Variants in TENT4B observed in about 807,000 individuals in gnomAD.
The protein encoded by TENT4B is PAP associated domain containing 5.
A neutral mutation model predicts 75.0 loss-of-function variants in TENT4B; 10 were observed. The ratio of observed to expected loss-of-function variants is 0.13; its 90% confidence interval spans 0.08 to 0.23. The LOEUF is 0.23. TENT4B is among the 10% of genes least tolerant of loss of function. The pLI, the probability that TENT4B is intolerant of heterozygous loss-of-function variation, is 1.00. For synonymous variants in TENT4B, 350 were observed against 357.7 expected (o/e 0.98, Z 0.24); for missense variants, 579 against 893.8 (o/e 0.65, Z 4.49).
chr16:50,163,086 C>G (rs752995759), intron 1 of TENT4B, among the ~76,000 whole-genome samples: 2 of 152,154 alleles, frequency 1.3e-5, no homozygotes, highest in Non-Finnish European at 2.9e-5. Context: ...TTAGTTTTCC[C>G]TTACTGGCCC....
At position 50,229,543 on chromosome 16, in the gene TENT4B, GA is replaced by G. The variant is rs896269345; in HGVS notation, c.*223del. ...AAAAAAAAAGCAAGCAAAAAAGAGG[GA>G]AAAAAAAGGCTGCTTATTTGATAAG... On this transcript the variant is annotated 3_prime_UTR_variant, in exon 12 of 12. Coordinates refer to ENST00000561678, the MANE Select transcript of TENT4B (RefSeq NM_001365324.3). 124 of 1,253,566 alleles carry G rather than the reference GA, an allele frequency of 9.9e-5. No individual in the cohort carries two copies. The highest frequency in any genetic ancestry group is 3.0e-4 in the Middle Eastern group (1 of 3,298). The allele number at this position is 1,253,566 out of a possible 1,614,324, so 77.7% of individuals were successfully genotyped here. A position where few individuals can be genotyped will look rare whatever the true frequency, so the allele number is the denominator to read the frequency against.
chr16:50,176,740 C>T (rs1002674467), intron 1 of TENT4B, among the ~76,000 whole-genome samples: 2 of 151,914 alleles, frequency 1.3e-5, no homozygotes, highest in East Asian at 1.9e-4. Context: ...CTCCTGACCT[C>T]AAGTGATCCA....
intron 1 of TENT4B, among the ~76,000 whole-genome samples, chr16:50,185,994 A>G (rs1438114557): frequency 6.6e-6 from 1 of 152,162 alleles, no homozygotes; most frequent in Non-Finnish European, 1.5e-5. Flanking sequence ...GTTCTGCACA[A>G]AACATTTTTA....
intron 5 of TENT4B, among the ~76,000 whole-genome samples, chr16:50,218,363 GTCTC>G (rs2031669510): frequency 6.6e-6 from 1 of 151,500 alleles, no homozygotes; most frequent in African/African-American, 2.4e-5. Context: ...TCGAGGCAGA[GTCTC>G]TCTCTGTCAC....
At chr16:50,159,657 A>G (rs2037967115) in intron 1 of TENT4B, among the ~76,000 whole-genome samples, 1 of 152,138 alleles carries the variant, frequency 6.6e-6, no homozygotes, top group Non-Finnish European at 1.5e-5. Context: ...CCTTTTTCCA[A>G]GTGATTTGTG....
chr16:50,206,808 A>G (rs1042113676), intron 1 of TENT4B, among the ~76,000 whole-genome samples: 1 of 152,034 alleles, frequency 6.6e-6, no homozygotes, highest in Non-Finnish European at 1.5e-5. Context: ...CCAGCCAAAG[A>G]TCTTGAACCT....
chr16:50,162,375 ACTG>A (rs2038018217), intron 1 of TENT4B, among the ~76,000 whole-genome samples: 1 of 152,224 alleles, frequency 6.6e-6, no homozygotes, highest in African/African-American at 2.4e-5. Context: ...TTTTAGAGAA[ACTG>A]CTGAACTATT....
chr16:50,217,290 A>C (rs1434266781), intron 4 of TENT4B, among the ~76,000 whole-genome samples: 1 of 152,228 alleles, frequency 6.6e-6, no homozygotes, highest in Admixed American at 6.5e-5. Flanking sequence ...AACAATAAAA[A>C]TAAATAATAA....
chr16:50,183,250 G>A (rs1338744985), intron 1 of TENT4B, among the ~76,000 whole-genome samples: 4 of 151,818 alleles, frequency 2.6e-5, no homozygotes, highest in African/African-American at 9.7e-5. Context: ...CTCCATGTTG[G>A]TCAGGCTGGT....
At chr16:50,175,360 G>A (rs1029416598) in intron 1 of TENT4B, among the ~76,000 whole-genome samples, 3 of 152,188 alleles carry the variant, frequency 2.0e-5, no homozygotes, top group South Asian at 4.1e-4. Flanking sequence ...GAAAGTCTTC[G>A]CCAAACCACA....
intron 5 of TENT4B, among the ~76,000 whole-genome samples, chr16:50,221,701 A>T (rs1156874892): frequency 6.6e-6 from 1 of 151,814 alleles, no homozygotes; most frequent in East Asian, 1.9e-4. Flanking sequence ...TGAATATTAG[A>T]GGGTCATGGT....
In TENT4B at chr16:50,215,843, C is replaced by T. The variant is rs530448148; in HGVS notation, c.810-232C>T. Among the ~76,000 whole-genome samples, 10 of 152,132 alleles carry T rather than the reference C, an allele frequency of 6.6e-5. No homozygotes were observed. In the East Asian group the frequency reaches 1.7e-3, roughly 26 times the overall value. On this transcript the variant is annotated intron_variant, in intron 3 of 11. Transcript: ENST00000561678. ...TGAGGTTTTACTTCTTTCAAAATCA[C>T]CCTATTTCCTGAGGCCTGAATTCTG...
intron 10 of TENT4B, among the ~76,000 whole-genome samples, chr16:50,225,512 T>C (rs1157967704): frequency 1.3e-5 from 2 of 152,222 alleles, no homozygotes; most frequent in Non-Finnish European, 1.5e-5. Context: ...ACCAGTAGAT[T>C]CTGCTATTAA....
chr16:50,230,915 T>TTA lies in TENT4B; in HGVS notation c.*1598_*1599dup, dbSNP rs200357366. 0.032 allele frequency: 31,735 copies of TTA among 979,596 alleles called. 461 individuals are homozygous for TTA. Among genetic ancestry groups the TTA allele is most frequent in the Non-Finnish European group, 0.036 (29,591 of 824,384 alleles). The allele number at this position is 979,596 out of a possible 1,614,324, so 60.7% of individuals were successfully genotyped here. A position where few individuals can be genotyped will look rare whatever the true frequency, so the allele number is the denominator to read the frequency against. ...CAGCCATTTCTGAGACGAGATTCTT[T>TTA]TATATATATATACATATAAAGTACT... On this transcript the variant is annotated 3_prime_UTR_variant, in exon 12 of 12. Transcript: ENST00000561678.
intron 1 of TENT4B, among the ~76,000 whole-genome samples, chr16:50,174,119 A>G (rs886371440): frequency 3.3e-5 from 5 of 152,024 alleles, no homozygotes; most frequent in Admixed American, 3.3e-4. Flanking sequence ...TTTTTTTGAG[A>G]CAGAGTCTTG....
intron 1 of TENT4B, among the ~76,000 whole-genome samples, chr16:50,181,463 T>C (rs71384543): frequency 2.1e-5 from 3 of 143,936 alleles, no homozygotes; most frequent in African/African-American, 5.4e-5. Context: ...CCAGCTATTG[T>C]ATTTTTTTTT....
intron 1 of TENT4B, among the ~76,000 whole-genome samples, chr16:50,179,685 A>G (rs1429122511): frequency 1.3e-5 from 2 of 152,208 alleles, no homozygotes; most frequent in East Asian, 1.9e-4. Flanking sequence ...ATTTACTCCA[A>G]TCCTTTTTTA....
intron 4 of TENT4B, among the ~76,000 whole-genome samples, chr16:50,216,405 G>A (rs974442058): frequency 2.0e-5 from 3 of 152,102 alleles, no homozygotes; most frequent in Non-Finnish European, 4.4e-5. Context: ...GTGCCTCCTC[G>A]GCTCAAGTGA....
chr16:50,218,716 T>C (rs994792859), intron 5 of TENT4B, among the ~76,000 whole-genome samples: 13 of 152,154 alleles, frequency 8.5e-5, no homozygotes, highest in African/African-American at 3.1e-4. Context: ...TAGATTTCAA[T>C]CCCTAAATTA....
Sources: gnomAD v4.1 joint callset for allele counts (sites outside exome capture counted in the v4.1 genomes callset) on GRCh38, gnomAD v4.1.1 for gene constraint, MANE v1.5 for transcripts, NCBI Gene and HGNC (gene_info 2026-07-23, HGNC 2026-07-21) for gene names.